CLSTN2: variants seen among roughly 807,000 people sequenced by gnomAD.
CLSTN2 encodes calsyntenin-2.
In CLSTN2, 48 loss-of-function variants were observed where a neutral mutation model predicts 101.2. The observed-to-expected ratio is 0.47, with a 90% confidence interval of 0.38 to 0.60. The LOEUF is 0.60. Among genes scored for constraint, CLSTN2 ranks in the 20% least tolerant of loss-of-function variants. The pLI, the probability that CLSTN2 is intolerant of heterozygous loss-of-function variation, is 0.00. For synonymous variants in CLSTN2, 481 were observed against 463.6 expected, an observed-to-expected ratio of 1.04 and a Z score of -0.48; for missense variants, 1,160 against 1,238.2, an observed-to-expected ratio of 0.94 and a Z score of 0.95.
chr3:140,308,011 G>A lies in CLSTN2; in HGVS notation c.233-95618G>A, dbSNP rs117800230. 4.3e-3 allele frequency among the ~76,000 whole-genome samples: 654 copies of A among 152,236 alleles called. 26 individuals carry two copies. In the South Asian group the frequency reaches 0.074, roughly 17 times the overall value. On this transcript the variant is annotated intron_variant, in intron 2 of 16. Transcript: ENST00000458420. ...CAGTCGGCCTCAATAATGTAAAGTT[G>A]GCTCATGAATGTGAAGGATGAACCA...
chr3:140,361,450 C>G (rs1282570908), intron 2 of CLSTN2, among the ~76,000 whole-genome samples: 1 of 152,130 alleles, frequency 6.6e-6, no homozygotes, highest in African/African-American at 2.4e-5. Flanking sequence ...CTCCATACTT[C>G]TATTCAACAC....
chr3:140,281,280 T>A (rs564527929), intron 2 of CLSTN2, among the ~76,000 whole-genome samples: 1 of 152,310 alleles, frequency 6.6e-6, no homozygotes, highest in South Asian at 2.1e-4. Flanking sequence ...GTGTCTAAGA[T>A]GTGGTAGGTA....
intron 2 of CLSTN2, among the ~76,000 whole-genome samples, chr3:140,397,834 G>A (rs912021157): frequency 2.6e-5 from 4 of 152,128 alleles, no homozygotes; most frequent in Non-Finnish European, 5.9e-5. Context: ...TCTTTTACTT[G>A]TACATGACTG....
rs559869396 is a variant in CLSTN2, at chr3:140,053,148, G to A, written c.109+117665G>A. Among the ~76,000 whole-genome samples, 296 of 152,228 alleles carry A rather than the reference G, an allele frequency of 1.9e-3. 1 individual carries two copies. The highest frequency in any genetic ancestry group is 6.8e-3 in the African/African-American group (281 of 41,526). Reference sequence around the variant, plus strand: ...TGAACACAAGCATCCTCCTGCCTGAGGGCCACTCCTCACAGTCAGCAGCCT... The same window carrying A: ...TGAACACAAGCATCCTCCTGCCTGAAGGCCACTCCTCACAGTCAGCAGCCT... On this transcript the variant is annotated intron_variant, in intron 1 of 16. Transcript: ENST00000458420.
At chr3:140,101,243 C>A (rs183423501) in intron 1 of CLSTN2, among the ~76,000 whole-genome samples, 14 of 152,286 alleles carry the variant, frequency 9.2e-5, no homozygotes, top group Admixed American at 3.3e-4. Context: ...TTTTCCCTAC[C>A]CTCCAGTGGA....
At chr3:140,152,262 A>G (rs2009880276) in intron 1 of CLSTN2, among the ~76,000 whole-genome samples, 1 of 152,028 alleles carries the variant, frequency 6.6e-6, no homozygotes, top group South Asian at 2.1e-4. Flanking sequence ...ACACTAGATC[A>G]TCTCTTTATG....
At chr3:140,378,582 G>C (rs2087945378) in intron 2 of CLSTN2, among the ~76,000 whole-genome samples, 1 of 152,220 alleles carries the variant, frequency 6.6e-6, no homozygotes, top group African/African-American at 2.4e-5. Context: ...CCGAGACCTA[G>C]GCTTACTTGT....
At chr3:140,033,714 T>C (rs2007602921) in intron 1 of CLSTN2, among the ~76,000 whole-genome samples, 1 of 152,238 alleles carries the variant, frequency 6.6e-6, no homozygotes, top group Non-Finnish European at 1.5e-5. Flanking sequence ...CTAGGAAATA[T>C]CTGAAATTGT....
chr3:140,402,031 G>A (rs538180022), intron 2 of CLSTN2, among the ~76,000 whole-genome samples: 2 of 152,310 alleles, frequency 1.3e-5, no homozygotes, highest in East Asian at 3.9e-4. Context: ...GTGGCGGCGG[G>A]GGAGTGGGAG....
intron 8 of CLSTN2, among the ~76,000 whole-genome samples, chr3:140,528,253 A>G (rs919908917): frequency 1.5e-4 from 23 of 152,228 alleles, no homozygotes; most frequent in African/African-American, 5.5e-4. Flanking sequence ...TTTTATGACT[A>G]TCACCCGCTT....
At chr3:140,066,342 G>C (rs1350998016) in intron 1 of CLSTN2, among the ~76,000 whole-genome samples, 4 of 152,306 alleles carry the variant, frequency 2.6e-5, no homozygotes, top group Non-Finnish European at 5.9e-5. Flanking sequence ...GTTTCTTCAA[G>C]ACTCTTTCTC....
rs538141295 is a variant in CLSTN2 at position 140,368,894 on chromosome 3, C to T, written c.233-34735C>T. On this transcript the variant is annotated intron_variant, in intron 2 of 16. Transcript: ENST00000458420. The stretch of plus-strand genomic sequence containing the variant: ...AACATTTATATAGCATTATCATTCA[C>T]GGATTTTCTTACGGTGTTCTGGGTA... 4.6e-5 allele frequency among the ~76,000 whole-genome samples: 7 copies of T among 152,312 alleles called. No individual in the cohort carries two copies. In the East Asian group the frequency reaches 5.8e-4, roughly 13 times the overall value.
At chr3:140,212,059 T>A (rs1179144203) in intron 2 of CLSTN2, among the ~76,000 whole-genome samples, 2 of 152,170 alleles carry the variant, frequency 1.3e-5, no homozygotes, top group Admixed American at 1.3e-4. Context: ...CCAAACATCA[T>A]GGATCTCATG....
At chr3:140,366,236 G>A (rs148243798) in intron 2 of CLSTN2, among the ~76,000 whole-genome samples, 6 of 152,302 alleles carry the variant, frequency 3.9e-5, no homozygotes, top group South Asian at 2.1e-4. Context: ...GCTAGGATTC[G>A]TGCTGGAGAA....
chr3:140,200,644 C>T (rs935736570), intron 2 of CLSTN2, among the ~76,000 whole-genome samples: 1 of 152,204 alleles, frequency 6.6e-6, no homozygotes, highest in South Asian at 2.1e-4. Context: ...TTTTCTTGTC[C>T]TAAGGCACTA....
At chr3:140,423,247 G>A (rs2088525447) in intron 5 of CLSTN2, among the ~76,000 whole-genome samples, 1 of 152,226 alleles carries the variant, frequency 6.6e-6, no homozygotes. Context: ...TACGAGTGAA[G>A]AATGTATTGA....
At chr3:140,497,100 CAAA>C (rs57659394) in intron 8 of CLSTN2, among the ~76,000 whole-genome samples, 8 of 87,992 alleles carry the variant, frequency 9.1e-5, no homozygotes, top group African/African-American at 7.4e-5. Flanking sequence ...GACTCCGTCT[CAAA>C]AAAAAAAAAA....
intron 8 of CLSTN2, 88 bp from the exon 9 acceptor site, chr3:140,532,234 ATG>A: frequency 9.2e-7 from 1 of 1,087,324 alleles, no homozygotes; most frequent in Non-Finnish European, 1.3e-6. Flanking sequence ...TGACCCAAAA[ATG>A]TGTTGTTCTC....
chr3:140,131,057 A>G (rs1044425392), intron 1 of CLSTN2, among the ~76,000 whole-genome samples: 1 of 152,128 alleles, frequency 6.6e-6, no homozygotes, highest in Non-Finnish European at 1.5e-5. Context: ...TGATCCTTCA[A>G]TGGCCTTCAG....
Sources: gnomAD v4.1 joint callset for allele counts (sites outside exome capture counted in the v4.1 genomes callset) on GRCh38, gnomAD v4.1.1 for gene constraint, MANE v1.5 for transcripts, NCBI Gene and HGNC (gene_info 2026-07-23, HGNC 2026-07-21) for gene names.